The following PRIM2 variants were observed in gnomAD, a reference collection of about 807,000 sequenced individuals.
The protein encoded by PRIM2 is DNA primase subunit 2.
Under a neutral mutation model 67.3 loss-of-function variants are expected in PRIM2, and 39 were observed. The ratio of observed to expected loss-of-function variants is 0.58; its 90% CI spans 0.45 to 0.76. The LOEUF is 0.76. Ranked by LOEUF, PRIM2 falls within the 30% of genes least tolerant of loss-of-function variation. PRIM2 has a pLI of 0.00. For missense variants in PRIM2, 398 were observed against 598.7 expected (o/e 0.66, Z 3.50); for synonymous variants, 143 against 198.7 (o/e 0.72, Z 2.36).
the PRIM2 span, among the ~76,000 whole-genome samples, chr6:57,240,260 G>A: frequency 6.6e-6 from 1 of 151,968 alleles, no homozygotes; most frequent in African/African-American, 2.4e-5. Context: ...CGCCAACCGC[G>A]CCCAGCTAAA....
At chr6:57,418,384 T>TTTTATTTA (rs1771347168) in intron 7 of PRIM2, among the ~76,000 whole-genome samples, 1 of 11,296 alleles carries the variant, frequency 8.9e-5, no homozygotes, top group South Asian at 3.2e-3. Context: ...ATGTGTGTGG[T>TTTTATTTA]TTTTTTTTTT....
chr6:57,362,897 G>C (rs17654409), intron 5 of PRIM2, among the ~76,000 whole-genome samples: 9,131 of 152,188 alleles, frequency 0.06, 369 homozygotes, highest in Admixed American at 0.098. Flanking sequence ...TTAAAGAAAC[G>C]GTTGCAAATT....
chr6:57,490,754 G>A (rs1773869342), intron 7 of PRIM2, among the ~76,000 whole-genome samples: 1 of 152,170 alleles, frequency 6.6e-6, no homozygotes, highest in Admixed American at 6.5e-5. Context: ...AGAAGGAAAA[G>A]CAGAGATAGA....
At chr6:57,613,251 A>C (rs1776697563) in intron 12 of PRIM2, among the ~76,000 whole-genome samples, 1 of 152,226 alleles carries the variant, frequency 6.6e-6, no homozygotes, top group Non-Finnish European at 1.5e-5. Context: ...CCTATGTAAT[A>C]AAAAATGGAA....
At chr6:57,381,853 G>A (rs1769968751) in intron 6 of PRIM2, 178 bp from the exon 7 acceptor site, 2 of 277,518 alleles carry the variant, frequency 7.2e-6, no homozygotes, top group Non-Finnish European at 1.1e-5. Context: ...ACATATTTTT[G>A]TACTGCCACT....
intron 10 of PRIM2, among the ~76,000 whole-genome samples, chr6:57,581,018 A>C (rs1241895392): frequency 1.3e-5 from 2 of 152,186 alleles, no homozygotes; most frequent in Non-Finnish European, 1.5e-5. Context: ...AAATAGGGTG[A>C]AACTAATCTA....
At chr6:57,461,784 T>G (rs2127397416) in intron 7 of PRIM2, among the ~76,000 whole-genome samples, 1 of 152,278 alleles carries the variant, frequency 6.6e-6, no homozygotes, top group South Asian at 2.1e-4. Flanking sequence ...TAAATAATAG[T>G]GATCAAAGAA....
At chr6:57,444,153 G>T (rs1772290057) in intron 7 of PRIM2, among the ~76,000 whole-genome samples, 1 of 152,058 alleles carries the variant, frequency 6.6e-6, no homozygotes, top group South Asian at 2.1e-4. Flanking sequence ...TAAAAATTTG[G>T]GTGATTCAAA....
chr6:57,249,764 G>A, the PRIM2 span, among the ~76,000 whole-genome samples: 2 of 152,166 alleles, frequency 1.3e-5, no homozygotes, highest in South Asian at 4.2e-4. Flanking sequence ...AACAAAAAAA[G>A]AATACCTATG....
At position 57,446,418 on chromosome 6, in the gene PRIM2, C is replaced by CTTTTTTT. The variant is rs397958660; in HGVS notation, c.694-60960_694-60954dup. ...GGCATAGGCCTGGCACACGCCACTT[C>CTTTTTTT]TTTTTTTTTTTTTTTGAGACAGTCT... is the stretch of plus-strand genomic sequence containing the variant. On this transcript the variant is annotated intron_variant, in intron 7 of 13. Coordinates refer to ENST00000615550, the MANE Select transcript of PRIM2 (RefSeq NM_000947.5). 5.8e-4 allele frequency among the ~76,000 whole-genome samples: 49 copies of CTTTTTTT among 83,814 alleles called. 7 individuals carry two copies. The highest frequency in any genetic ancestry group is 1.0e-3 in the East Asian group (3 of 2,968). 55.0% of individuals were successfully genotyped at this position (83,814 alleles called of 152,430 possible).
At chr6:57,344,445 T>G (rs1048224262) in intron 5 of PRIM2, among the ~76,000 whole-genome samples, 45 of 151,534 alleles carry the variant, frequency 3.0e-4, no homozygotes, top group Non-Finnish European at 5.6e-4. Context: ...CTTTTATTTG[T>G]TCTGTTTCTA....
At chr6:57,365,460 T>C (rs1237727484) in intron 5 of PRIM2, among the ~76,000 whole-genome samples, 4 of 152,114 alleles carry the variant, frequency 2.6e-5, no homozygotes, top group Non-Finnish European at 4.4e-5. Context: ...TGCCTTTTCG[T>C]GAATTAATCT....
At chr6:57,286,079 T>A in the PRIM2 span, among the ~76,000 whole-genome samples, 1 of 151,952 alleles carries the variant, frequency 6.6e-6, no homozygotes, top group Admixed American at 6.5e-5. Flanking sequence ...CAAGGAAAAC[T>A]AGAAACCACT....
intron 7 of PRIM2, among the ~76,000 whole-genome samples, chr6:57,502,753 G>A (rs1253614570): frequency 6.6e-6 from 1 of 152,116 alleles, no homozygotes; most frequent in African/African-American, 2.4e-5. Context: ...GAGAAATAAA[G>A]CTTCTCCTTC....
At chr6:57,600,315 T>C (rs2127491226) in intron 10 of PRIM2, among the ~76,000 whole-genome samples, 1 of 149,136 alleles carries the variant, frequency 6.7e-6, no homozygotes, top group African/African-American at 2.5e-5. Flanking sequence ...CTACTTTGTA[T>C]AGTGGAAATC....
rs1199281936 is a variant in PRIM2 at position 57,414,342 on chromosome 6, A to ATGGTAC, written c.693+32175_693+32176insGGTACT. Among the ~76,000 whole-genome samples the ATGGTAC allele has an allele frequency of 4.6e-5, 7 of 152,304 alleles. No homozygotes were observed. The East Asian group carries it at 1.3e-3, about 29-fold the overall frequency. ...TAATGCTTACCATACTGCTTTGCAT[A>ATGGTAC]TTATACTGGTTCTATAAGTGTTTAT... On this transcript the variant is annotated intron_variant, in intron 7 of 13. Coordinates refer to ENST00000615550, the MANE Select transcript of PRIM2 (RefSeq NM_000947.5).
At chr6:57,616,343 G>T (rs1266355773) in intron 12 of PRIM2, among the ~76,000 whole-genome samples, 2 of 152,232 alleles carry the variant, frequency 1.3e-5, no homozygotes, top group African/African-American at 4.8e-5. Flanking sequence ...CAGAACCATA[G>T]AACTAATATA....
the PRIM2 span, among the ~76,000 whole-genome samples, chr6:57,299,921 A>T: frequency 1.3e-5 from 2 of 152,138 alleles, no homozygotes; most frequent in Non-Finnish European, 2.9e-5. Context: ...GGTTTAGCAT[A>T]TGAGTCTCTT....
chr6:57,630,802 T>C (rs1387794688), intron 12 of PRIM2, among the ~76,000 whole-genome samples: 50 of 152,308 alleles, frequency 3.3e-4, no homozygotes, highest in Non-Finnish European at 5.6e-4. Context: ...TTTGAAAATC[T>C]GTGTGAAGAG....
Sources: allele counts gnomAD v4.1 joint callset (sites outside exome capture counted in the v4.1 genomes callset), GRCh38; gene constraint gnomAD v4.1.1; transcripts MANE v1.5; gene names NCBI Gene and HGNC (gene_info 2026-07-23, HGNC 2026-07-21).